Variants in PCDHGA9 observed in about 807,000 individuals in gnomAD.
PCDHGA9 encodes the protein protocadherin gamma subfamily A, 9, also known as protocadherin gamma-A9.
A neutral mutation model predicts 62.5 loss-of-function variants in PCDHGA9; 37 were observed. That is an observed-to-expected ratio of 0.59 (90% CI 0.46 to 0.78). The LOEUF is 0.78. PCDHGA9 is among the 30% of genes least tolerant of loss of function. The probability of loss-of-function intolerance (pLI) is 0.00; values close to 1 mark genes in which losing one functional copy is unlikely to be tolerated. For missense variants in PCDHGA9, 1,138 were observed against 1,166.2 expected (o/e 0.98, Z 0.35); for synonymous variants, 459 against 484.6 (o/e 0.95, Z 0.69).
intron 1 of PCDHGA9, chr5:141,405,602 A>C: frequency 1.7e-6 from 1 of 572,914 alleles, no homozygotes; most frequent in South Asian, 2.3e-5. Flanking sequence ...CCCAAGTAGA[A>C]TAACTGGGAC....
chr5:141,487,143 C>T lies in PCDHGA9; in HGVS notation c.2425-7664C>T. Reference sequence around the variant, plus strand: ...GATAGTGGTAGTCCACCACTCTCTACCTCTGTTACTCTCTTAGTGTCCTTA... The same window carrying T: ...GATAGTGGTAGTCCACCACTCTCTATCTCTGTTACTCTCTTAGTGTCCTTA... On this transcript the variant is annotated intron_variant, in intron 1 of 3. Coordinates refer to ENST00000573521, the MANE Select transcript of PCDHGA9 (RefSeq NM_018921.3). This position sits in a 1 kb window ranked among gnomAD's most constrained non-coding sequence, Gnocchi z 5.0. 1.2e-6 allele frequency: 2 copies of T among 1,614,028 alleles called. No homozygotes were observed. Among genetic ancestry groups the T allele is most frequent in the Non-Finnish European group, 1.7e-6 (2 of 1,179,862 alleles).
Position 141,438,902 on chromosome 5 carries a change from G to A in PCDHGA9, c.2424+33526G>A, listed in dbSNP as rs185216039. 2.0e-5 allele frequency among the ~76,000 whole-genome samples: 3 copies of A among 151,906 alleles called. No homozygotes were observed. The East Asian group carries it at 5.8e-4, about 29-fold the overall frequency. On this transcript the variant is annotated intron_variant, in intron 1 of 3. Coordinates refer to ENST00000573521, the MANE Select transcript of PCDHGA9 (RefSeq NM_018921.3). ...GCTGCTCTTGAACTCCTGACCTCAGGTGATCCACCTGCCTTGGCCTCCCAA... is the reference window on the plus strand; with the variant it reads ...GCTGCTCTTGAACTCCTGACCTCAGATGATCCACCTGCCTTGGCCTCCCAA...
At chr5:141,449,273 C>T (rs1168190907) in intron 1 of PCDHGA9, among the ~76,000 whole-genome samples, 1 of 151,982 alleles carries the variant, frequency 6.6e-6, no homozygotes, top group Non-Finnish European at 1.5e-5. Flanking sequence ...ACTGTATCTC[C>T]TTCACCCGGA....
intron 1 of PCDHGA9, among the ~76,000 whole-genome samples, chr5:141,449,030 G>C (rs2098623784): frequency 6.6e-6 from 1 of 152,012 alleles, no homozygotes; most frequent in Non-Finnish European, 1.5e-5. Context: ...GCATTCCTTT[G>C]GATTATTAAC....
At chr5:141,423,147 G>A (rs545052756) in intron 1 of PCDHGA9, 4 of 1,613,578 alleles carry the variant, frequency 2.5e-6, no homozygotes, top group African/African-American at 2.7e-5. Context: ...ACGCGCTCAA[G>A]CAGAGCCTCG....
chr5:141,439,190 CA>C (rs200519543), intron 1 of PCDHGA9, among the ~76,000 whole-genome samples: 2,445 of 111,432 alleles, frequency 0.022, 39 homozygotes, highest in African/African-American at 0.057. Flanking sequence ...GAGACTCTGA[CA>C]AAAAAAAAAA....
intron 2 of PCDHGA9, among the ~76,000 whole-genome samples, chr5:141,504,948 T>C (rs1044527570): frequency 2.0e-5 from 3 of 152,080 alleles, no homozygotes; most frequent in Admixed American, 1.3e-4. Flanking sequence ...GAATGCACTA[T>C]GTTCAATGCA....
intron 1 of PCDHGA9, chr5:141,408,226 G>T (rs909432449): frequency 2.1e-5 from 33 of 1,562,288 alleles, no homozygotes; most frequent in Admixed American, 3.9e-5. Flanking sequence ...GCGCGCAGAG[G>T]CGCCGGGCCG....
Position 141,405,636 on chromosome 5 carries a change from G to A in PCDHGA9, c.2424+260G>A, listed in dbSNP as rs546836247. 7 of 528,588 alleles carry A rather than the reference G, an allele frequency of 1.3e-5. 1 individual carries two copies. The highest frequency in any genetic ancestry group is 8.1e-5 in the South Asian group (3 of 37,242). The allele number at this position is 528,588 out of a possible 1,614,324, so 32.7% of individuals were successfully genotyped here. A position where few individuals can be genotyped will look rare whatever the true frequency, so the allele number is the denominator to read the frequency against. On this transcript the variant is annotated intron_variant, in intron 1 of 3. Coordinates refer to ENST00000573521, the MANE Select transcript of PCDHGA9 (RefSeq NM_018921.3). ...ACTACAGGCACGTGCCACCACGCCC[G>A]GCTAATTTTTTGTGTGTTTTTAGTA...
chr5:141,422,976 G>A lies in PCDHGA9; in HGVS notation c.2424+17600G>A, dbSNP rs558006468. On this transcript the variant is annotated intron_variant, in intron 1 of 3. Transcript: ENST00000573521. The stretch of plus-strand genomic sequence containing the variant: ...GCGTGGAGCTGGCGCCCCGCTCTGC[G>A]GAACCTGGCTACCTGGTGACCAAGG... 27 of 1,614,212 alleles carry A rather than the reference G, an allele frequency of 1.7e-5. No homozygotes were observed. In the East Asian group the frequency reaches 4.7e-4, roughly 28 times the overall value.
At chr5:141,414,639 T>A in intron 1 of PCDHGA9, 1 of 1,613,966 alleles carries the variant, frequency 6.2e-7, no homozygotes, top group South Asian at 1.1e-5. Context: ...GCAAAGAGAA[T>A]GCCCAGATTA....
At chr5:141,409,462 C>A (rs377705841) in intron 1 of PCDHGA9, 64 of 1,613,870 alleles carry the variant, frequency 4.0e-5, no homozygotes, top group Non-Finnish European at 5.3e-5. Flanking sequence ...AATACAATGT[C>A]ACCATCGTAG....
At chr5:141,417,937 C>T (rs571233315) in intron 1 of PCDHGA9, 2 of 1,612,530 alleles carry the variant, frequency 1.2e-6, no homozygotes, top group South Asian at 1.1e-5. Context: ...CTTTGTTCTA[C>T]CCCACGCTGT....
chr5:141,448,912 T>C (rs1195715286), intron 1 of PCDHGA9, among the ~76,000 whole-genome samples: 1 of 152,152 alleles, frequency 6.6e-6, no homozygotes, highest in Non-Finnish European at 1.5e-5. Flanking sequence ...GCCACTGCAC[T>C]CCAGCCTGGG....
chr5:141,462,198 G>C (rs2099034283), intron 1 of PCDHGA9, among the ~76,000 whole-genome samples: 1 of 152,182 alleles, frequency 6.6e-6, no homozygotes, highest in Non-Finnish European at 1.5e-5. Context: ...GACCTCAGGT[G>C]ATCCGCCTGC....
Position 141,402,807 on chromosome 5 carries a change from T to TA in PCDHGA9, c.-145dup. On this transcript the variant is annotated 5_prime_UTR_variant, in exon 1 of 4. Transcript: ENST00000573521. ...CTGCGGCTACACAAAACCCGGCAGA[T>TA]ACCACAAACCTGCTCCCAGGCTGCA... The TA allele has an allele frequency of 8.6e-7, 1 of 1,165,464 alleles. No homozygotes were observed. The highest frequency in any genetic ancestry group is 1.2e-6 in the Non-Finnish European group (1 of 865,052). The allele number at this position is 1,165,464 out of a possible 1,614,324, so 72.2% of individuals were successfully genotyped here. A position where few individuals can be genotyped will look rare whatever the true frequency, so the allele number is the denominator to read the frequency against.
At position 141,418,475 on chromosome 5, in the gene PCDHGA9, A is replaced by G; in HGVS notation, c.2424+13099A>G. On this transcript the variant is annotated intron_variant, in intron 1 of 3. Transcript: ENST00000573521. The stretch of plus-strand genomic sequence containing the variant: ...GAAGACTCTGGACCGAGAAACGCAG[A>G]GCGCTCACCACTTGGTACTGACCGC... 3 of 1,614,000 alleles carry G rather than the reference A, an allele frequency of 1.9e-6. No individual in the cohort carries two copies. Among genetic ancestry groups the G allele is most frequent in the Non-Finnish European group, 2.5e-6 (3 of 1,179,892 alleles).
chr5:141,428,395 G>A, intron 1 of PCDHGA9: 1 of 488,280 alleles, frequency 2.0e-6, no homozygotes, highest in Non-Finnish European at 3.8e-6. Flanking sequence ...CAGCCCCTCT[G>A]CCTGGGGTTG....
At position 141,489,181 on chromosome 5, in the gene PCDHGA9, T is replaced by C; in HGVS notation, c.2425-5626T>C. The C allele has an allele frequency of 1.6e-6, 2 of 1,259,546 alleles. No homozygotes were observed. The highest frequency in any genetic ancestry group is 2.2e-6 in the Non-Finnish European group (2 of 905,040). The allele number at this position is 1,259,546 out of a possible 1,614,324, so 78.0% of individuals were successfully genotyped here. ...ACTTCAGCTGCTGCATTCCAAGCCC[T>C]GGGTCTACCTTGGAGACAGGACAGC... On this transcript the variant is annotated intron_variant, in intron 1 of 3. Transcript: ENST00000573521. This position sits in a 1 kb window ranked among gnomAD's most constrained non-coding sequence, Gnocchi z 4.5.
Sources: allele counts gnomAD v4.1 joint callset (sites outside exome capture counted in the v4.1 genomes callset), GRCh38; gene constraint gnomAD v4.1.1; non-coding constraint Gnocchi (gnomAD v3.1); transcripts MANE v1.5; gene names NCBI Gene and HGNC (gene_info 2026-07-23, HGNC 2026-07-21).